Variants in ZNF138 observed in about 807,000 individuals in gnomAD.
The protein encoded by ZNF138 is zinc finger protein 138.
A neutral mutation model predicts 33.0 loss-of-function variants in ZNF138; 33 were observed. The ratio of observed to expected loss-of-function variants is 1.00; its 90% CI spans 0.76 to 1.34. ZNF138 has a LOEUF of 1.34. Ranked by LOEUF, ZNF138 falls within the 40% of genes most tolerant of loss-of-function variation. ZNF138 has a pLI of 0.00. For synonymous variants in ZNF138, 139 were observed against 120.4 expected, an observed-to-expected ratio of 1.15 and a Z score of -1.01; for missense variants, 360 against 370.8, an observed-to-expected ratio of 0.97 and a Z score of 0.24.
the ZNF138 span, among the ~76,000 whole-genome samples, chr7:64,860,492 T>G: frequency 1.3e-5 from 2 of 152,332 alleles, no homozygotes; most frequent in East Asian, 3.9e-4. Context: ...GCCATTAATG[T>G]AATTAAAGAA....
At chr7:64,798,513 C>T (rs960224575) in intron 1 of ZNF138, among the ~76,000 whole-genome samples, 11 of 152,090 alleles carry the variant, frequency 7.2e-5, no homozygotes, top group African/African-American at 1.2e-4. Context: ...GAATTCTGGC[C>T]GGGCATGGTG....
rs950669677 is a variant in ZNF138 at position 64,832,416 on chromosome 7, A to G, written c.*214A>G. On this transcript the variant is annotated 3_prime_UTR_variant, in exon 4 of 4. Coordinates refer to ENST00000307355, the MANE Select transcript of ZNF138 (RefSeq NM_001271639.2). ...AATTCATACTGGAGAAAAACCCTAC[A>G]AATGTAAAGAATGTGGAAAAGCTTT... The G allele has an allele frequency of 5.3e-6, 8 of 1,496,614 alleles. No homozygotes were observed. Among genetic ancestry groups the G allele is most frequent in the Middle Eastern group, 1.8e-4 (1 of 5,576 alleles). 92.7% of individuals were successfully genotyped at this position (1,496,614 alleles called of 1,614,324 possible). A position where few individuals can be genotyped will look rare whatever the true frequency, so the allele number is the denominator to read the frequency against.
the ZNF138 span, chr7:64,852,821 C>G: frequency 5.9e-6 from 5 of 845,254 alleles, no homozygotes; most frequent in South Asian, 6.6e-5. Flanking sequence ...ACTGGGCTGA[C>G]AGACAGTGGT....
chr7:64,858,191 T>A, the ZNF138 span, among the ~76,000 whole-genome samples: 3 of 152,238 alleles, frequency 2.0e-5, no homozygotes, highest in African/African-American at 7.2e-5. Context: ...ATGAAAAATC[T>A]ACACTTTTCT....
intron 1 of ZNF138, among the ~76,000 whole-genome samples, chr7:64,806,816 A>G (rs1408134591): frequency 6.6e-6 from 1 of 152,238 alleles, no homozygotes; most frequent in Non-Finnish European, 1.5e-5. Flanking sequence ...TATTTTTTGT[A>G]AATAAGAATT....
At chr7:64,805,822 A>C (rs555072475) in intron 1 of ZNF138, among the ~76,000 whole-genome samples, 23 of 152,328 alleles carry the variant, frequency 1.5e-4, no homozygotes, top group South Asian at 8.3e-4. Flanking sequence ...AAGATGTGAA[A>C]AGTTTATTTT....
chr7:64,852,909 C>A, the ZNF138 span: 1 of 1,092,226 alleles, frequency 9.2e-7, no homozygotes, highest in Non-Finnish European at 1.4e-6. Flanking sequence ...TCCTCAGCTG[C>A]GTCTTTAAAA....
chr7:64,847,404 G>A, the ZNF138 span, among the ~76,000 whole-genome samples: 348 of 148,416 alleles, frequency 2.3e-3, 5 homozygotes, highest in African/African-American at 8.3e-3. Context: ...TTTGTTCTAG[G>A]GTATAGTTTA....
chr7:64,853,174 G>T, the ZNF138 span: 2 of 1,562,704 alleles, frequency 1.3e-6, no homozygotes, highest in South Asian at 2.2e-5. Flanking sequence ...CCAAGCCTTG[G>T]CATAAAGGCT....
rs566846447 is a variant in ZNF138 at position 64,814,187 on chromosome 7, A to G, written c.4-731A>G. ...AATTTAGAATATCAGACTTTATTCC[A>G]TATCTTCAGAAAAAATAATCTGCAT... On this transcript the variant is annotated intron_variant, in intron 1 of 3. Transcript: ENST00000307355. The G allele has an allele frequency of 4.2e-5, 44 of 1,037,806 alleles. 1 individual carries two copies. The African/African-American group carries it at 4.7e-4, about 11-fold the overall frequency. 64.3% of individuals were successfully genotyped at this position (1,037,806 alleles called of 1,614,324 possible). A position where few individuals can be genotyped will look rare whatever the true frequency, so the allele number is the denominator to read the frequency against.
intron 1 of ZNF138, among the ~76,000 whole-genome samples, chr7:64,809,062 C>T (rs10255461): frequency 0.88 from 79,745 of 90,354 alleles, 34,639 homozygotes; most frequent in Middle Eastern, 0.92. Context: ...CACAAAGCCG[C>T]CATTGTCATC....
chr7:64,820,246 G>GAA (rs1789018112), intron 3 of ZNF138, among the ~76,000 whole-genome samples: 1 of 125,728 alleles, frequency 8.0e-6, no homozygotes, highest in Non-Finnish European at 1.7e-5. Flanking sequence ...GATTTTATGG[G>GAA]GGCGGAGTGT....
At chr7:64,827,312 A>G (rs1388354011) in intron 3 of ZNF138, among the ~76,000 whole-genome samples, 2 of 151,676 alleles carry the variant, frequency 1.3e-5, no homozygotes, top group Non-Finnish European at 2.9e-5. Flanking sequence ...CAGTGGCACA[A>G]TCTCGGTTCA....
downstream of ZNF138, among the ~76,000 whole-genome samples, chr7:64,838,632 C>A (rs1790432590): frequency 1.3e-5 from 2 of 152,130 alleles, no homozygotes; most frequent in Non-Finnish European, 2.9e-5. Flanking sequence ...TTACTAAGTC[C>A]TGGATAGGGG....
In ZNF138 at chr7:64,832,044, A is replaced by G; in HGVS notation, c.802A>G (p.Arg268Gly). 1 of 1,613,930 alleles carries G rather than the reference A, an allele frequency of 6.2e-7. No individual in the cohort carries two copies. The highest frequency in any genetic ancestry group is 1.1e-5 in the South Asian group (1 of 91,074). Residue 268 changes from arginine (R) to glycine (G), a missense_variant, in exon 4 of 4, where the codon AGA (arginine) becomes GGA (glycine). Coordinates refer to ENST00000307355, the MANE Select transcript of ZNF138 (RefSeq NM_001271639.2). ...CTTTAAACAGTCCTCACACCTTACTAGACATAAGATAATTCATACTGAAGA... is the reference window on the plus strand; with the variant it reads ...CTTTAAACAGTCCTCACACCTTACTGGACATAAGATAATTCATACTGAAGA... The part of the protein sequence containing the change: ...KAFKQSSHLT[R>G]HKIIHTEEKP...
intron 1 of ZNF138, among the ~76,000 whole-genome samples, chr7:64,802,292 A>T (rs1467555164): frequency 6.6e-6 from 1 of 152,166 alleles, no homozygotes; most frequent in Non-Finnish European, 1.5e-5. Flanking sequence ...GTGGAGAGGA[A>T]TCTCAGATAG....
In ZNF138 at chr7:64,832,249, A is replaced by T. The variant is rs755816377; in HGVS notation, c.*47A>T. ...ATTTACACTAGAGAGAAAGCCTACA[A>T]ATGTGAAGAATGTGGCAAAGCCTTT... On this transcript the variant is annotated 3_prime_UTR_variant, in exon 4 of 4. Transcript: ENST00000307355. The T allele has an allele frequency of 6.2e-6, 10 of 1,602,100 alleles. No homozygotes were observed. The highest frequency in any genetic ancestry group is 8.5e-6 in the Non-Finnish European group (10 of 1,176,292).
chr7:64,795,948 G>A (rs935860933), intron 1 of ZNF138, among the ~76,000 whole-genome samples: 1 of 152,216 alleles, frequency 6.6e-6, no homozygotes, highest in Non-Finnish European at 1.5e-5. Flanking sequence ...ACCTGAGGTT[G>A]GAGTGTAGCC....
chr7:64,849,664 G>A, the ZNF138 span, among the ~76,000 whole-genome samples: 1 of 151,920 alleles, frequency 6.6e-6, no homozygotes, highest in East Asian at 1.9e-4. Flanking sequence ...ATAGAGTTAT[G>A]TTCCCAAAGG....
Sources: gnomAD v4.1 joint callset for allele counts (sites outside exome capture counted in the v4.1 genomes callset) on GRCh38, gnomAD v4.1.1 for gene constraint, MANE v1.5 for transcripts, NCBI Gene and HGNC (gene_info 2026-07-23, HGNC 2026-07-21) for gene names.